Variants in TMEM123 observed in about 807,000 individuals in gnomAD.
TMEM123 encodes transmembrane protein 123.
In TMEM123, 16 loss-of-function variants were observed where a neutral mutation model predicts 19.7. That is an observed-to-expected ratio of 0.81 (90% CI 0.55 to 1.23). The LOEUF is 1.23. TMEM123 is among the 50% of genes most tolerant of loss of function. TMEM123 has a pLI of 0.00. For synonymous variants in TMEM123, 118 were observed against 99.4 expected (o/e 1.19, Z -1.12); for missense variants, 313 against 257.8 (o/e 1.21, Z -1.47).
At chr11:102,426,737 A>T (rs751045874) in intron 2 of TMEM123, among the ~76,000 whole-genome samples, 2 of 151,980 alleles carry the variant, frequency 1.3e-5, no homozygotes, top group Non-Finnish European at 2.9e-5. Flanking sequence ...ACAACCAAGT[A>T]AGGTATGCAA....
In TMEM123 at chr11:102,401,616, T is replaced by TA; in HGVS notation, c.524dup (p.Leu175PhefsTer29). The stretch of plus-strand genomic sequence containing the variant: ...AAAGAATAGATAAAACTCCCAGCGT[T>TA]AATACAATACCACCAACAAAGCTCC... On this transcript the variant is annotated frameshift_variant, in exon 4 of 5. Transcript: ENST00000398136. LOFTEE classifies it high-confidence loss of function. 6.2e-7 allele frequency: 1 copy of TA among 1,608,694 alleles called. No homozygotes were observed. The highest frequency in any genetic ancestry group is 8.5e-7 in the Non-Finnish European group (1 of 1,178,734).
intron 2 of TMEM123, among the ~76,000 whole-genome samples, chr11:102,447,606 C>G (rs1366109936): frequency 6.6e-6 from 1 of 152,098 alleles, no homozygotes; most frequent in Non-Finnish European, 1.5e-5. Context: ...GAATTAGATT[C>G]AATAAAGGAC....
chr11:102,409,511 TAC>T (rs1029486222), intron 2 of TMEM123, among the ~76,000 whole-genome samples: 7 of 152,064 alleles, frequency 4.6e-5, no homozygotes, highest in African/African-American at 1.7e-4. Context: ...GAATTCAAAT[TAC>T]CTGGAGATCA....
At chr11:102,411,613 G>A (rs190890889) in intron 2 of TMEM123, among the ~76,000 whole-genome samples, 62 of 151,926 alleles carry the variant, frequency 4.1e-4, no homozygotes, top group Admixed American at 1.1e-3. Flanking sequence ...ATCCAGATAG[G>A]TAGTAGATAG....
chr11:102,420,676 G>GTTTTTC (rs1565350921), intron 2 of TMEM123, among the ~76,000 whole-genome samples: 4 of 152,198 alleles, frequency 2.6e-5, no homozygotes, highest in African/African-American at 9.7e-5. Flanking sequence ...ACAAGGAGCA[G>GTTTTTC]TATCACAAAG....
chr11:102,417,038 C>T (rs532324743), intron 2 of TMEM123, among the ~76,000 whole-genome samples: 1 of 152,292 alleles, frequency 6.6e-6, no homozygotes, highest in South Asian at 2.1e-4. Context: ...TAACATCATA[C>T]TGAGTGGCCA....
chr11:102,427,419 G>A (rs1003588619), intron 2 of TMEM123, among the ~76,000 whole-genome samples: 7 of 151,448 alleles, frequency 4.6e-5, no homozygotes, highest in South Asian at 2.1e-4. Context: ...GCAGAAGTGG[G>A]AGAGAAGAAA....
Position 102,397,845 on chromosome 11 carries a change from C to G in TMEM123, c.*1022G>C, listed in dbSNP as rs767685193. 2 of 152,148 alleles carry G rather than the reference C, an allele frequency of 1.3e-5. No individual in the cohort carries two copies. Among genetic ancestry groups the G allele is most frequent in the Non-Finnish European group, 2.9e-5 (2 of 68,010 alleles). The allele number at this position is 152,148 out of a possible 1,614,324, so 9.4% of individuals were successfully genotyped here. On this transcript the variant is annotated 3_prime_UTR_variant, in exon 5 of 5. Transcript: ENST00000398136. The stretch of plus-strand genomic sequence containing the variant: ...CTGGCTTAATAAACACAGCATTACG[C>G]TATAGTTTTGACTCTATAGAATTCT...
intron 1 of TMEM123, among the ~76,000 whole-genome samples, chr11:102,449,877 G>A (rs577861412): frequency 5.9e-5 from 9 of 152,232 alleles, no homozygotes; most frequent in South Asian, 4.1e-4. Flanking sequence ...AGAGAAGGCC[G>A]CCCAGATACA....
chr11:102,440,508 T>C (rs1430897997), intron 2 of TMEM123, among the ~76,000 whole-genome samples: 3 of 152,128 alleles, frequency 2.0e-5, no homozygotes, highest in Non-Finnish European at 4.4e-5. Flanking sequence ...GCTGAGAGAT[T>C]TTGTCACCAC....
At chr11:102,412,719 T>C (rs1470444061) in intron 2 of TMEM123, among the ~76,000 whole-genome samples, 1 of 152,156 alleles carries the variant, frequency 6.6e-6, no homozygotes, top group Non-Finnish European at 1.5e-5. Context: ...ATATATTTCA[T>C]ATACAAGATG....
In TMEM123 at chr11:102,443,306, G is replaced by T. The variant is rs954476392; in HGVS notation, c.157+5506C>A. Among the ~76,000 whole-genome samples the T allele has an allele frequency of 2.4e-4, 36 of 152,132 alleles. 1 individual carries two copies. The highest frequency in any genetic ancestry group is 8.7e-4 in the African/African-American group (36 of 41,416). ...ACGTGATTTCAAACTACACTACAAG[G>T]CTACAGTAACCAAAACAGCATTGTA... is the stretch of plus-strand genomic sequence containing the variant. On this transcript the variant is annotated intron_variant, in intron 2 of 4. Transcript: ENST00000398136.
At chr11:102,439,674 C>A (rs927239927) in intron 2 of TMEM123, among the ~76,000 whole-genome samples, 5 of 152,190 alleles carry the variant, frequency 3.3e-5, no homozygotes, top group African/African-American at 1.2e-4. Flanking sequence ...TCGCCAGCAA[C>A]AGAACAAAGC....
Position 102,448,825 on chromosome 11 carries a change from A to T in TMEM123, c.144T>A (p.Ser48Arg), listed in dbSNP as rs553074607. 6.2e-7 allele frequency: 1 copy of T among 1,613,724 alleles called. No individual in the cohort carries two copies. Among genetic ancestry groups the T allele is most frequent in the Admixed American group, 1.7e-5 (1 of 60,028 alleles). The change falls in exon 2 of 5, where the codon AGT (serine) becomes AGA (arginine). Residue 48 changes from serine to arginine, a missense_variant. Physicochemically the swap from Ser to Arg is moderately radical, Grantham distance 110 (BLOSUM62 -1). Coordinates refer to ENST00000398136, the MANE Select transcript of TMEM123 (RefSeq NM_052932.3). ...TTTAAAACTCACCTGTTGAGTTAGC[A>T]CTGGAGTTGTGTGGAAGCCCAGAAT... ...IENSGLPHNS[S>R]ANSTETLQHV...
In TMEM123 at chr11:102,452,731, C is replaced by CATTCTT; in HGVS notation, c.-109_-108insAAGAAT. 1.2e-6 allele frequency: 1 copy of CATTCTT among 848,392 alleles called. No homozygotes were observed. The highest frequency in any genetic ancestry group is 1.6e-6 in the Non-Finnish European group (1 of 620,610). 52.6% of individuals were successfully genotyped at this position (848,392 alleles called of 1,614,324 possible). A position where few individuals can be genotyped will look rare whatever the true frequency, so the allele number is the denominator to read the frequency against. Reference sequence around the variant, plus strand: ...GCCGGCTCCGCTTCCCCTTCGGCCGCGCACGTTTCCCCTCCCGCCGCTTGC... The same window carrying CATTCTT: ...GCCGGCTCCGCTTCCCCTTCGGCCGCATTCTTGCACGTTTCCCCTCCCGCCGCTTGC... On this transcript the variant is annotated 5_prime_UTR_variant, in exon 1 of 5. It adds an upstream start codon to the 5' untranslated region. Coordinates refer to ENST00000398136, the MANE Select transcript of TMEM123 (RefSeq NM_052932.3).
At chr11:102,417,952 T>C (rs893153177) in intron 2 of TMEM123, among the ~76,000 whole-genome samples, 1 of 151,856 alleles carries the variant, frequency 6.6e-6, no homozygotes, top group African/African-American at 2.4e-5. Flanking sequence ...AAGCAGGAGA[T>C]TGAAACTGGA....
intron 2 of TMEM123, among the ~76,000 whole-genome samples, chr11:102,440,894 C>T (rs1388425255): frequency 6.6e-6 from 1 of 152,130 alleles, no homozygotes; most frequent in Admixed American, 6.5e-5. Context: ...GGTTGCAATC[C>T]TAGTCTCTGA....
In TMEM123 at chr11:102,402,191, A is replaced by C; in HGVS notation, c.173T>G (p.Val58Gly). Residue 58 changes from valine (V) to glycine (G), a missense_variant, in exon 3 of 5, where the codon GTG becomes GGG. Coordinates refer to ENST00000398136, the MANE Select transcript of TMEM123 (RefSeq NM_052932.3). ...AGTTTCATTTGTATGGTCAGAAGGC[A>C]CATGTTGGAGAGTCTCTGCAATAAT... Reference protein sequence around the residue: ...SANSTETLQHVPSDHTNETSN... With the variant: ...SANSTETLQHGPSDHTNETSN... The C allele has an allele frequency of 6.2e-7, 1 of 1,613,994 alleles. No individual in the cohort carries two copies. The highest frequency in any genetic ancestry group is 8.5e-7 in the Non-Finnish European group (1 of 1,179,904).
intron 2 of TMEM123, among the ~76,000 whole-genome samples, chr11:102,432,824 C>G (rs1026615927): frequency 6.6e-6 from 1 of 152,252 alleles, no homozygotes; most frequent in Non-Finnish European, 1.5e-5. Flanking sequence ...TGCGTCTCAG[C>G]TGCTTCAGCT....
Sources: gnomAD v4.1 joint callset for allele counts (sites outside exome capture counted in the v4.1 genomes callset) on GRCh38, gnomAD v4.1.1 for gene constraint, MANE v1.5 for transcripts, NCBI Gene and HGNC (gene_info 2026-07-23, HGNC 2026-07-21) for gene names.